The following IL1RAPL2 variants were observed in gnomAD, a reference collection of about 807,000 sequenced individuals.
IL1RAPL2 encodes the protein interleukin 1 receptor accessory protein like 2.
IL1RAPL2 carries 3 observed loss-of-function variants against 44.1 expected under a neutral mutation model. That is an observed-to-expected ratio of 0.07 (90% CI 0.03 to 0.18). The LOEUF is 0.18. Ranked by LOEUF, IL1RAPL2 falls within the 10% of genes least tolerant of loss-of-function variation. The probability of loss-of-function intolerance (pLI) is 1.00; values close to 1 mark genes in which losing one functional copy is unlikely to be tolerated. For missense variants in IL1RAPL2, 391 were observed against 496.4 expected (o/e 0.79, Z 2.02); for synonymous variants, 181 against 178.8 (o/e 1.01, Z -0.10).
intron 2 of IL1RAPL2, among the ~76,000 whole-genome samples, chrX:104,846,355 C>T (rs1569325492): frequency 9.1e-6 from 1 of 109,540 alleles, no homozygotes; most frequent in Non-Finnish European, 1.9e-5. Flanking sequence ...CCTCTCCCCA[C>T]CCCACGACAG....
chrX:105,265,160 C>T (rs1400102959), intron 4 of IL1RAPL2, among the ~76,000 whole-genome samples: 1 of 112,023 alleles, frequency 8.9e-6, no homozygotes, highest in East Asian at 2.8e-4. Flanking sequence ...AAGAAAATGA[C>T]ACCATTTGTC....
intron 10 of IL1RAPL2, among the ~76,000 whole-genome samples, chrX:105,763,458 A>T (rs1298313308): frequency 9.0e-6 from 1 of 111,462 alleles, no homozygotes; most frequent in Admixed American, 9.6e-5. Flanking sequence ...GTTTTCTGTG[A>T]TGGCTAGGTT....
chrX:105,334,349 G>A (rs1203116201), intron 5 of IL1RAPL2, among the ~76,000 whole-genome samples: 1 of 111,353 alleles, frequency 9.0e-6, no homozygotes, highest in Non-Finnish European at 1.9e-5. Context: ...TAGAAGGATG[G>A]TTACCAGAGG....
chrX:104,806,492 T>C, intron 2 of IL1RAPL2, among the ~76,000 whole-genome samples: 1 of 112,584 alleles, frequency 8.9e-6, no homozygotes, highest in African/African-American at 3.2e-5. Flanking sequence ...AGGTTGGTTC[T>C]CTTTGCCCCA....
intron 2 of IL1RAPL2, among the ~76,000 whole-genome samples, chrX:104,731,184 T>C (rs1213290645): frequency 9.1e-6 from 1 of 110,018 alleles, no homozygotes; most frequent in Non-Finnish European, 1.9e-5. Context: ...TTCACTCTGA[T>C]GGTAGTTTCT....
In IL1RAPL2 at chrX:104,725,139, G is replaced by C. The variant is rs142337878; in HGVS notation, c.82+66144G>C. On this transcript the variant is annotated intron_variant, in intron 2 of 10. Transcript: ENST00000372582. ...TATGAGTGAGAACATGTGGTGTTTG[G>C]TTTTCTGTTCTTGTGTTAGCTTGCT... Among the ~76,000 whole-genome samples the C allele has an allele frequency of 7.5e-3, 830 of 111,185 alleles. 17 individuals are homozygous for C. The East Asian group carries it at 0.096, about 13-fold the overall frequency.
In IL1RAPL2 at chrX:105,264,800, C is replaced by T. The variant is rs1321491301; in HGVS notation, c.544-2588C>T. On this transcript the variant is annotated intron_variant, in intron 4 of 10. Coordinates refer to ENST00000372582, the MANE Select transcript of IL1RAPL2 (RefSeq NM_017416.2). ...GCCCCACATTTTAACCTAGAGATGT[C>T]TTACCCTAAAGCCAGTTTGCCTTTT... Among the ~76,000 whole-genome samples the T allele has an allele frequency of 2.7e-5, 3 of 111,177 alleles. No individual in the cohort carries two copies. In the East Asian group the frequency reaches 8.6e-4, roughly 32 times the overall value.
At chrX:104,636,567 T>A (rs1929812882) in intron 1 of IL1RAPL2, among the ~76,000 whole-genome samples, 1 of 111,995 alleles carries the variant, frequency 8.9e-6, no homozygotes, top group Admixed American at 9.4e-5. Flanking sequence ...CCAGCCTTGC[T>A]GCCACCTTGC....
intron 6 of IL1RAPL2, among the ~76,000 whole-genome samples, chrX:105,648,572 G>A (rs1357106307): frequency 9.0e-6 from 1 of 111,490 alleles, no homozygotes; most frequent in East Asian, 2.8e-4. Context: ...ACTTCACAAA[G>A]TGAAGTGCTT....
chrX:105,360,634 G>A lies in IL1RAPL2; in HGVS notation c.697+93093G>A, dbSNP rs1294398165. 2.7e-5 allele frequency among the ~76,000 whole-genome samples: 3 copies of A among 110,876 alleles called. No homozygotes were observed. In the Admixed American group the frequency reaches 2.9e-4, roughly 11 times the overall value. On this transcript the variant is annotated intron_variant, in intron 5 of 10. Transcript: ENST00000372582. Reference sequence around the variant, plus strand: ...TAAGATGATATAAAAGTAGAGACCTGTGGGAAGAAAAGTAAGCCATACAGA... The same window carrying A: ...TAAGATGATATAAAAGTAGAGACCTATGGGAAGAAAAGTAAGCCATACAGA...
At chrX:105,522,028 A>G (rs1451967928) in intron 6 of IL1RAPL2, among the ~76,000 whole-genome samples, 2 of 112,165 alleles carry the variant, frequency 1.8e-5, no homozygotes, top group African/African-American at 6.5e-5. Flanking sequence ...CTTGGTTGTT[A>G]CATACAGCCT....
intron 5 of IL1RAPL2, among the ~76,000 whole-genome samples, chrX:105,334,266 AG>A (rs1455838395): frequency 1.8e-5 from 2 of 112,016 alleles, no homozygotes; most frequent in Non-Finnish European, 3.8e-5. Flanking sequence ...AGGCACAAAA[AG>A]ACAGCATTGC....
At chrX:105,739,397 T>G (rs887417318) in intron 7 of IL1RAPL2, among the ~76,000 whole-genome samples, 2 of 109,581 alleles carry the variant, frequency 1.8e-5, no homozygotes, top group Non-Finnish European at 3.8e-5. Context: ...GTGCACATTG[T>G]GCAGGTTAGT....
chrX:105,719,134 AAAC>A (rs1323592036), intron 7 of IL1RAPL2, among the ~76,000 whole-genome samples: 1 of 111,911 alleles, frequency 8.9e-6, no homozygotes, highest in African/African-American at 3.2e-5. Flanking sequence ...ACAAAAATGA[AAAC>A]AACCTAAATG....
At chrX:104,905,717 T>C (rs1237250514) in intron 2 of IL1RAPL2, among the ~76,000 whole-genome samples, 1 of 111,394 alleles carries the variant, frequency 9.0e-6, no homozygotes, top group Non-Finnish European at 1.9e-5. Flanking sequence ...CCTTGTAGTA[T>C]AGTTTGAAGT....
chrX:105,690,034 C>T (rs193147578), intron 6 of IL1RAPL2, among the ~76,000 whole-genome samples: 35 of 110,393 alleles, frequency 3.2e-4, no homozygotes, highest in African/African-American at 9.6e-4. Context: ...CACTTGGACA[C>T]GGGTCAGGGA....
intron 2 of IL1RAPL2, among the ~76,000 whole-genome samples, chrX:105,156,357 GA>G (rs1222703121): frequency 8.9e-6 from 1 of 111,974 alleles, no homozygotes; most frequent in Admixed American, 9.5e-5. Context: ...GGTACTTATA[GA>G]AACTTTTCAT....
chrX:105,206,695 A>G (rs1256593989), intron 3 of IL1RAPL2, among the ~76,000 whole-genome samples: 2 of 112,166 alleles, frequency 1.8e-5, no homozygotes, highest in Non-Finnish European at 3.8e-5. Flanking sequence ...CAAGTTCATG[A>G]AAAGTGATGA....
chrX:104,582,925 G>A (rs200396292), intron 1 of IL1RAPL2, among the ~76,000 whole-genome samples: 2 of 97,992 alleles, frequency 2.0e-5, no homozygotes, highest in African/African-American at 7.7e-5. Context: ...GTATTACTCT[G>A]TTGCCCAGGC....
Sources: allele counts gnomAD v4.1 joint callset (sites outside exome capture counted in the v4.1 genomes callset), GRCh38; gene constraint gnomAD v4.1.1; transcripts MANE v1.5; gene names NCBI Gene and HGNC (gene_info 2026-07-23, HGNC 2026-07-21).